Variants in COL15A1 observed in about 807,000 individuals in gnomAD.
The protein encoded by COL15A1 is collagen type XV alpha 1 chain.
Under a neutral mutation model 165.9 loss-of-function variants are expected in COL15A1, and 111 were observed. The observed-to-expected ratio is 0.67, with a 90% CI of 0.57 to 0.78. COL15A1 has a LOEUF of 0.78. COL15A1 is among the 30% of genes least tolerant of loss of function. The pLI is 0.00. For synonymous variants in COL15A1, 659 were observed against 674.8 expected (o/e 0.98, Z 0.36); for missense variants, 1,745 against 1,789.7 (o/e 0.98, Z 0.45).
intron 40 of COL15A1, 113 bp downstream of exon 40, chr9:99,067,180 T>C: frequency 1.1e-6 from 1 of 895,458 alleles, no homozygotes; most frequent in Non-Finnish European, 1.7e-6. Flanking sequence ...GCCTGCTCTC[T>C]CCCTTACTGG....
chr9:99,005,908 A>G (rs779626603), intron 9 of COL15A1, among the ~76,000 whole-genome samples: 2 of 152,080 alleles, frequency 1.3e-5, no homozygotes, highest in Non-Finnish European at 2.9e-5. Context: ...CCCAGCTCCC[A>G]TACCTGGCCT....
chr9:99,050,279 C>T (rs1032405784), intron 30 of COL15A1, among the ~76,000 whole-genome samples: 1 of 152,248 alleles, frequency 6.6e-6, no homozygotes. Flanking sequence ...TTGTAACTAA[C>T]TATGCTGCCC....
At chr9:99,040,219 AAC>A (rs1412090715) in intron 22 of COL15A1, among the ~76,000 whole-genome samples, 1 of 152,166 alleles carries the variant, frequency 6.6e-6, no homozygotes, top group Admixed American at 6.5e-5. Flanking sequence ...ACTGAAGCAA[AAC>A]ACAGAGAGAC....
At chr9:99,011,317 T>C (rs1228559031) in intron 9 of COL15A1, among the ~76,000 whole-genome samples, 1 of 151,602 alleles carries the variant, frequency 6.6e-6, no homozygotes, top group Non-Finnish European at 1.5e-5. Flanking sequence ...TATGAAAGCT[T>C]TTTTTTTCAT....
chr9:98,984,017 A>C (rs2118879697), intron 2 of COL15A1, among the ~76,000 whole-genome samples: 1 of 152,328 alleles, frequency 6.6e-6, no homozygotes, highest in South Asian at 2.1e-4. Context: ...GAAACCACTT[A>C]GGTTCTCAGT....
intron 6 of COL15A1, among the ~76,000 whole-genome samples, chr9:98,999,937 C>T (rs559977025): frequency 5.3e-4 from 81 of 151,624 alleles, no homozygotes; most frequent in African/African-American, 1.9e-3. Flanking sequence ...TTACTACAAC[C>T]TCTGCCCACT....
Position 98,985,161 on chromosome 9 carries a change from A to T in COL15A1, c.101-404A>T, listed in dbSNP as rs1173035725. ...TGGGTGAACATTATATATTCTAGGG[A>T]TTACTCATAAGTGTTTTCCAAACGC... On this transcript the variant is annotated intron_variant, in intron 2 of 41. Coordinates refer to ENST00000375001, the MANE Select transcript of COL15A1 (RefSeq NM_001855.5). Among the ~76,000 whole-genome samples, 3 of 152,208 alleles carry T rather than the reference A, an allele frequency of 2.0e-5. No individual in the cohort carries two copies. In the East Asian group the frequency reaches 5.8e-4, roughly 29 times the overall value.
intron 32 of COL15A1, 77 bp from the exon 33 acceptor site, chr9:99,055,025 G>C: frequency 1.6e-6 from 2 of 1,219,894 alleles, no homozygotes; most frequent in Non-Finnish European, 2.4e-6. Context: ...ATGTAACTGT[G>C]GTTGCCAACT....
chr9:99,019,632 C>T (rs571012349), intron 11 of COL15A1, among the ~76,000 whole-genome samples: 9 of 151,496 alleles, frequency 5.9e-5, no homozygotes, highest in African/African-American at 2.2e-4. Flanking sequence ...GTCACCATGA[C>T]AGTATAGCTT....
chr9:98,992,091 G>T (rs978614523), intron 5 of COL15A1, among the ~76,000 whole-genome samples: 1 of 152,240 alleles, frequency 6.6e-6, no homozygotes, highest in East Asian at 1.9e-4. Flanking sequence ...CAGGTGGAGC[G>T]GCCTGCCAGT....
At chr9:98,979,646 C>CTTTATT (rs1348210154) in intron 2 of COL15A1, among the ~76,000 whole-genome samples, 2 of 108,058 alleles carry the variant, frequency 1.9e-5, no homozygotes, top group Non-Finnish European at 1.8e-5. Flanking sequence ...CAGGGATTAT[C>CTTTATT]TTTATTATTA....
chr9:98,967,623 C>T (rs2118826322), intron 2 of COL15A1, among the ~76,000 whole-genome samples: 1 of 152,326 alleles, frequency 6.6e-6, no homozygotes, highest in Non-Finnish European at 1.5e-5. Context: ...GTGCTATGAT[C>T]ACAGAAAAGC....
intron 8 of COL15A1, among the ~76,000 whole-genome samples, chr9:99,004,220 C>T (rs1838717667): frequency 6.6e-6 from 1 of 152,168 alleles, no homozygotes; most frequent in South Asian, 2.1e-4. Context: ...AGAAAGATCA[C>T]TCTGACTACT....
At chr9:99,061,934 G>T (rs1212752887) in intron 36 of COL15A1, 37 bp from the exon 37 acceptor site, 1 of 1,595,632 alleles carries the variant, frequency 6.3e-7, no homozygotes, top group Admixed American at 1.7e-5. Flanking sequence ...TTCCTCTAAT[G>T]ATAATGGCAG....
chr9:99,050,510 C>G (rs1839571004), intron 30 of COL15A1, among the ~76,000 whole-genome samples: 2 of 152,332 alleles, frequency 1.3e-5, no homozygotes, highest in South Asian at 4.1e-4. Context: ...GCCCGGCCCC[C>G]CAGCCATTGA....
chr9:98,973,648 C>T (rs1015514086), intron 2 of COL15A1, among the ~76,000 whole-genome samples: 12 of 152,172 alleles, frequency 7.9e-5, no homozygotes, highest in African/African-American at 2.7e-4. Flanking sequence ...GGCTGAGTTT[C>T]CACACAGGCA....
chr9:99,048,109 C>A, intron 28 of COL15A1, 109 bp downstream of exon 28: 1 of 740,344 alleles, frequency 1.4e-6, no homozygotes. Context: ...TGTTGTTCTT[C>A]TTCCTTCACT....
intron 9 of COL15A1, 79 bp from the exon 10 acceptor site, chr9:99,015,336 CTT>C: frequency 1.1e-6 from 1 of 936,358 alleles, no homozygotes; most frequent in East Asian, 2.4e-5. Context: ...GGCTTTAGCG[CTT>C]TCCACCCCCC....
Position 99,052,378 on chromosome 9 carries a change from C to T in COL15A1, c.2905-10C>T. 6.2e-7 allele frequency: 1 copy of T among 1,609,808 alleles called. No individual in the cohort carries two copies. The highest frequency in any genetic ancestry group is 1.1e-5 in the South Asian group (1 of 90,986). ...TTGCAGTGCCTAACCTGGCCTTCCT[C>T]TCTTTCCAGGTTGATACTGCTCATC... On this transcript the variant is annotated splice_polypyrimidine_tract_variant and intron_variant, in intron 30 of 41. Coordinates refer to ENST00000375001, the MANE Select transcript of COL15A1 (RefSeq NM_001855.5).
Sources: gnomAD v4.1 joint callset for allele counts (sites outside exome capture counted in the v4.1 genomes callset) on GRCh38, gnomAD v4.1.1 for gene constraint, MANE v1.5 for transcripts, NCBI Gene and HGNC (gene_info 2026-07-23, HGNC 2026-07-21) for gene names.